The following ANK2 variants were observed in gnomAD, a reference collection of about 807,000 sequenced individuals.
The protein encoded by ANK2 is ankyrin-2.
Under a neutral mutation model 360.5 loss-of-function variants are expected in ANK2, and 83 were observed. That is an observed-to-expected ratio of 0.23 (90% CI 0.19 to 0.28). ANK2 has a LOEUF of 0.28. ANK2 is among the 10% of genes least tolerant of loss of function. ANK2 has a pLI of 1.00. For missense variants in ANK2, 4,201 were observed against 4,795.7 expected, an observed-to-expected ratio of 0.88 and a Z score of 3.66; for synonymous variants, 1,740 against 1,759.5, an observed-to-expected ratio of 0.99 and a Z score of 0.28.
chr4:112,724,825 A>C, the ANK2 span, among the ~76,000 whole-genome samples: 1 of 152,188 alleles, frequency 6.6e-6, no homozygotes, highest in Non-Finnish European at 1.5e-5. Context: ...ACTTCTGGGT[A>C]TATACACAGC....
chr4:113,257,747 C>T (rs944128256), intron 11 of ANK2, among the ~76,000 whole-genome samples: 2 of 152,164 alleles, frequency 1.3e-5, no homozygotes, highest in Non-Finnish European at 2.9e-5. Flanking sequence ...CTTAGAACTT[C>T]TAAAATGTAA....
intron 2 of ANK2, among the ~76,000 whole-genome samples, chr4:113,021,409 T>C (rs1377609010): frequency 6.6e-6 from 1 of 151,752 alleles, no homozygotes; most frequent in Non-Finnish European, 1.5e-5. Context: ...GGATCTAATG[T>C]AGTCTCTCAC....
At chr4:113,060,493 G>A (rs768820198) in intron 1 of ANK2, among the ~76,000 whole-genome samples, 10 of 151,756 alleles carry the variant, frequency 6.6e-5, no homozygotes, top group African/African-American at 1.7e-4. Context: ...GCTCCTAAAC[G>A]AGCTATCCCA....
At chr4:113,057,384 G>A (rs542174472) in intron 1 of ANK2, among the ~76,000 whole-genome samples, 13 of 152,210 alleles carry the variant, frequency 8.5e-5, no homozygotes, top group African/African-American at 2.9e-4. Flanking sequence ...ATAAAGGAAG[G>A]GGATACACAG....
chr4:113,371,048 T>A (rs958235632), intron 43 of ANK2, among the ~76,000 whole-genome samples: 1 of 152,130 alleles, frequency 6.6e-6, no homozygotes, highest in Non-Finnish European at 1.5e-5. Context: ...TAAAAAGTAA[T>A]AGAATTCAAA....
intron 2 of ANK2, among the ~76,000 whole-genome samples, chr4:112,932,180 C>T (rs2093304135): frequency 6.6e-6 from 1 of 152,064 alleles, no homozygotes; most frequent in Non-Finnish European, 1.5e-5. Context: ...CATGGTGAAA[C>T]CCCGTTTCTA....
At chr4:113,190,066 A>G (rs1584408484) in intron 2 of ANK2, among the ~76,000 whole-genome samples, 1 of 152,072 alleles carries the variant, frequency 6.6e-6, no homozygotes, top group Non-Finnish European at 1.5e-5. Flanking sequence ...GAAACACAGA[A>G]TTTTGTTACT....
intron 13 of ANK2, among the ~76,000 whole-genome samples, chr4:113,263,603 G>A (rs2153654223): frequency 6.6e-6 from 1 of 152,286 alleles, no homozygotes; most frequent in East Asian, 1.9e-4. Context: ...TCACCTTAAA[G>A]TTTCTAGATT....
intron 2 of ANK2, among the ~76,000 whole-genome samples, chr4:113,040,657 C>A (rs1009331922): frequency 1.3e-5 from 2 of 152,020 alleles, no homozygotes; most frequent in South Asian, 2.1e-4. Context: ...GTCTTTTACA[C>A]CTTAAGCAAG....
intron 4 of ANK2, among the ~76,000 whole-genome samples, chr4:113,230,652 C>T (rs1176780391): frequency 6.6e-6 from 1 of 152,118 alleles, no homozygotes. Flanking sequence ...GTTTTGAGAC[C>T]TTATGAATTA....
chr4:113,317,910 C>A (rs2083793341), intron 25 of ANK2, 101 bp downstream of exon 25: 3 of 950,266 alleles, frequency 3.2e-6, no homozygotes, highest in Non-Finnish European at 5.0e-6. Context: ...CCCCCAAAAT[C>A]ATTCCCAATT....
In ANK2 at chr4:113,220,773, T is replaced by C. The variant is rs183111127; in HGVS notation, c.385-11388T>C. ...GTAATTCAGCTATTAAATTCAAATG[T>C]TGAATAAAGGAGAAAAACACAAATC... On this transcript the variant is annotated intron_variant, in intron 4 of 45. Coordinates refer to ENST00000357077, the MANE Select transcript of ANK2 (RefSeq NM_001148.6). Among the ~76,000 whole-genome samples, 612 of 152,274 alleles carry C rather than the reference T, an allele frequency of 4.0e-3. 10 individuals carry two copies. The highest frequency in any genetic ancestry group is 0.014 in the African/African-American group (577 of 41,550).
intron 18 of ANK2, among the ~76,000 whole-genome samples, chr4:113,283,994 A>G (rs1433278920): frequency 2.6e-5 from 4 of 152,070 alleles, no homozygotes; most frequent in African/African-American, 7.2e-5. Context: ...GTCCTAGTCT[A>G]TTTTCTTGTC....
chr4:113,231,115 G>A (rs546344794), intron 4 of ANK2, among the ~76,000 whole-genome samples: 10 of 150,104 alleles, frequency 6.7e-5, no homozygotes, highest in African/African-American at 2.5e-4. Flanking sequence ...GCAGTGGCGC[G>A]ATCTTGGCTC....
intron 1 of ANK2, among the ~76,000 whole-genome samples, chr4:112,870,799 T>G (rs1391760724): frequency 6.6e-6 from 1 of 152,230 alleles, no homozygotes; most frequent in Non-Finnish European, 1.5e-5. Context: ...TATGTAAATT[T>G]TAAGGATCAG....
chr4:113,220,463 A>C (rs1034667582), intron 4 of ANK2, among the ~76,000 whole-genome samples: 1 of 152,216 alleles, frequency 6.6e-6, no homozygotes, highest in Non-Finnish European at 1.5e-5. Context: ...TGGATATTCC[A>C]TTTTTAAAAA....
chr4:113,228,558 G>A lies in ANK2; in HGVS notation c.385-3603G>A, dbSNP rs115865475. ...GGGTATTAGTACATGGTATATATACGTACCACAATTTCTTTAACCACTCAT... is the reference window on the plus strand; with the variant it reads ...GGGTATTAGTACATGGTATATATACATACCACAATTTCTTTAACCACTCAT... On this transcript the variant is annotated intron_variant, in intron 4 of 45. Transcript: ENST00000357077. Among the ~76,000 whole-genome samples, 1,438 of 152,088 alleles carry A rather than the reference G, an allele frequency of 9.5e-3. 22 individuals are homozygous for A. The highest frequency in any genetic ancestry group is 0.033 in the African/African-American group (1,354 of 41,482).
At chr4:113,272,021 C>G (rs979396571) in intron 14 of ANK2, among the ~76,000 whole-genome samples, 2 of 152,198 alleles carry the variant, frequency 1.3e-5, no homozygotes, top group African/African-American at 4.8e-5. Context: ...CTTTAGGGAT[C>G]GAGCAATCCC....
At chr4:112,830,759 C>T (rs551533727) in intron 1 of ANK2, among the ~76,000 whole-genome samples, 2 of 152,338 alleles carry the variant, frequency 1.3e-5, no homozygotes, top group East Asian at 1.9e-4. Context: ...CCTCTCTGGG[C>T]TGGCCAAGGC....
Sources: gnomAD v4.1 joint callset for allele counts (sites outside exome capture counted in the v4.1 genomes callset) on GRCh38, gnomAD v4.1.1 for gene constraint, MANE v1.5 for transcripts, NCBI Gene and HGNC (gene_info 2026-07-23, HGNC 2026-07-21) for gene names.